UVRAG: variants seen among roughly 807,000 people sequenced by gnomAD.
UVRAG encodes the protein UV radiation resistance associated.
UVRAG carries 19 observed loss-of-function variants against 78.0 expected under a neutral mutation model. That is an observed-to-expected ratio of 0.24 (90% confidence interval 0.17 to 0.36). The LOEUF (loss-of-function observed/expected upper bound fraction) is 0.36, where lower values mean the gene tolerates loss of function less well. Among genes scored for constraint, UVRAG ranks in the 10% least tolerant of loss-of-function variants. The pLI is 1.00. For synonymous variants in UVRAG, 323 were observed against 324.6 expected (o/e 1.00, Z 0.05); for missense variants, 740 against 853.8 (o/e 0.87, Z 1.66).
At position 76,125,106 on chromosome 11, in the gene UVRAG, G is replaced by A. The variant is rs560481116; in HGVS notation, c.1397+9091G>A. Reference sequence around the variant, plus strand: ...CTGAAATCTGGCAGATGACCCTCTAGGGAAATGAAAAACATGTTGTCTAGC... The same window carrying A: ...CTGAAATCTGGCAGATGACCCTCTAAGGAAATGAAAAACATGTTGTCTAGC... On this transcript the variant is annotated intron_variant, in intron 14 of 14. Transcript: ENST00000356136. Among the ~76,000 whole-genome samples the A allele has an allele frequency of 2.6e-5, 4 of 152,222 alleles. No individual in the cohort carries two copies. In the South Asian group the frequency reaches 6.2e-4, roughly 24 times the overall value.
At chr11:75,902,604 C>G (rs527994718) in intron 5 of UVRAG, among the ~76,000 whole-genome samples, 44 of 152,280 alleles carry the variant, frequency 2.9e-4, no homozygotes, top group African/African-American at 1.1e-3. Context: ...GTTGCTTTCT[C>G]TTCCAGTTTT....
At chr11:76,012,794 T>A (rs1395893274) in intron 11 of UVRAG, 1 of 114,004 alleles carries the variant, frequency 8.8e-6, no homozygotes, top group African/African-American at 4.0e-5. Context: ...AAAAAAAAAA[T>A]GTTTGTGTGT....
At chr11:76,015,396 A>G (rs1387738982) in intron 11 of UVRAG, among the ~76,000 whole-genome samples, 1 of 152,068 alleles carries the variant, frequency 6.6e-6, no homozygotes, top group East Asian at 1.9e-4. Context: ...AGTACAGTAG[A>G]CTGGTTAATC....
intron 6 of UVRAG, among the ~76,000 whole-genome samples, chr11:75,942,883 C>G (rs1948513518): frequency 6.6e-6 from 1 of 151,956 alleles, no homozygotes; most frequent in Non-Finnish European, 1.5e-5. Flanking sequence ...AGTTTATGAG[C>G]CTTAAAACAG....
intron 3 of UVRAG, among the ~76,000 whole-genome samples, chr11:75,862,446 A>G (rs1057442062): frequency 5.3e-5 from 8 of 152,180 alleles, no homozygotes; most frequent in Non-Finnish European, 1.2e-4. Context: ...TGGTAATGAA[A>G]ATATCTTAGT....
chr11:76,002,648 G>A (rs1949838382), intron 8 of UVRAG, among the ~76,000 whole-genome samples: 1 of 152,162 alleles, frequency 6.6e-6, no homozygotes, highest in South Asian at 2.1e-4. Context: ...AAATCACTAA[G>A]GTGAAGATTT....
chr11:75,815,565 C>A (rs1046669240), intron 1 of UVRAG, 41 bp downstream of exon 1: 1 of 1,183,732 alleles, frequency 8.4e-7, no homozygotes, highest in Admixed American at 4.2e-5. Flanking sequence ...GGGACCCGGG[C>A]AGGCCCGCGT....
chr11:75,828,795 A>G lies in UVRAG; in HGVS notation c.117+13271A>G, dbSNP rs1217702509. On this transcript the variant is annotated intron_variant, in intron 1 of 14. Transcript: ENST00000356136. Reference sequence around the variant, plus strand: ...TATATACACACATATATATATATATATATATATATATTTTTTTTTTTTTGT... The same window carrying G: ...TATATACACACATATATATATATATGTATATATATATTTTTTTTTTTTTGT... Among the ~76,000 whole-genome samples, 35 of 97,442 alleles carry G rather than the reference A, an allele frequency of 3.6e-4. 1 individual carries two copies. The highest frequency in any genetic ancestry group is 1.5e-3 in the African/African-American group (34 of 23,124). The allele number at this position is 97,442 out of a possible 152,430, so 63.9% of individuals were successfully genotyped here.
chr11:75,998,603 A>G (rs1452832566), intron 8 of UVRAG, among the ~76,000 whole-genome samples: 1 of 152,198 alleles, frequency 6.6e-6, no homozygotes, highest in Non-Finnish European at 1.5e-5. Flanking sequence ...GCTTGAGTGT[A>G]AGGAAAGACA....
intron 3 of UVRAG, among the ~76,000 whole-genome samples, chr11:75,868,652 G>T (rs1290023842): frequency 6.6e-6 from 1 of 152,146 alleles, no homozygotes; most frequent in African/African-American, 2.4e-5. Flanking sequence ...TTCAGGGAGA[G>T]GTTAGATCCT....
intron 4 of UVRAG, 61 bp from the exon 5 acceptor site, chr11:75,888,768 G>A (rs1947149993): frequency 1.4e-6 from 2 of 1,392,716 alleles, no homozygotes; most frequent in South Asian, 2.5e-5. Context: ...GTCATTCTCT[G>A]GTTGTATTAA....
chr11:75,985,143 G>A (rs1949473561), intron 8 of UVRAG, among the ~76,000 whole-genome samples: 1 of 149,168 alleles, frequency 6.7e-6, no homozygotes, highest in South Asian at 2.1e-4. Context: ...TCCTTGTCAG[G>A]AATTTCTTTT....
chr11:76,045,894 A>G (rs78020653), intron 12 of UVRAG, among the ~76,000 whole-genome samples: 2,464 of 152,280 alleles, frequency 0.016, 60 homozygotes, highest in African/African-American at 0.057. Flanking sequence ...TTGATTTCAA[A>G]TGGAAAGAGT....
Position 75,888,543 on chromosome 11 carries a change from G to A in UVRAG, c.433-286G>A, listed in dbSNP as rs538305528. Reference sequence around the variant, plus strand: ...ATGCCTCTGAATACCCTATTGTTCAGGAATAGCCATTCCATAACAACCTCA... The same window carrying A: ...ATGCCTCTGAATACCCTATTGTTCAAGAATAGCCATTCCATAACAACCTCA... On this transcript the variant is annotated intron_variant, in intron 4 of 14. Coordinates refer to ENST00000356136, the MANE Select transcript of UVRAG (RefSeq NM_003369.4). Among the ~76,000 whole-genome samples, 6 of 152,322 alleles carry A rather than the reference G, an allele frequency of 3.9e-5. No homozygotes were observed. The South Asian group carries it at 6.2e-4, about 16-fold the overall frequency.
chr11:76,123,581 TC>T (rs1952330024), intron 14 of UVRAG, among the ~76,000 whole-genome samples: 1 of 152,242 alleles, frequency 6.6e-6, no homozygotes, highest in African/African-American at 2.4e-5. Context: ...CCTGTTTTTT[TC>T]ATAGGATTTT....
chr11:76,082,858 C>T (rs1218794511), intron 13 of UVRAG, among the ~76,000 whole-genome samples: 1 of 151,998 alleles, frequency 6.6e-6, no homozygotes, highest in Non-Finnish European at 1.5e-5. Flanking sequence ...GATGAAACCT[C>T]ATCTCTACTA....
At chr11:75,861,229 ATAGTGT>A (rs1946414854) in intron 2 of UVRAG, among the ~76,000 whole-genome samples, 1 of 152,234 alleles carries the variant, frequency 6.6e-6, no homozygotes, top group Non-Finnish European at 1.5e-5. Context: ...TTAAAGAGAC[ATAGTGT>A]TAGTGACAGA....
chr11:76,071,929 A>G (rs752790727), intron 13 of UVRAG, among the ~76,000 whole-genome samples: 1 of 152,140 alleles, frequency 6.6e-6, no homozygotes, highest in Admixed American at 6.5e-5. Context: ...TTCTTTGCAA[A>G]TGTTAAGTTT....
intron 12 of UVRAG, among the ~76,000 whole-genome samples, chr11:76,021,842 C>T (rs1950250972): frequency 6.6e-6 from 1 of 152,200 alleles, no homozygotes; most frequent in South Asian, 2.1e-4. Context: ...TACTTTGAGG[C>T]CAGGAGTTTG....
Sources: allele counts gnomAD v4.1 joint callset (sites outside exome capture counted in the v4.1 genomes callset), GRCh38; gene constraint gnomAD v4.1.1; transcripts MANE v1.5; gene names NCBI Gene and HGNC (gene_info 2026-07-23, HGNC 2026-07-21).